Variants in DNAJC5B observed in about 807,000 individuals in gnomAD.
The protein encoded by DNAJC5B is DnaJ heat shock protein family (Hsp40) member C5 beta.
Under a neutral mutation model 24.7 loss-of-function variants are expected in DNAJC5B, and 23 were observed. The observed-to-expected ratio is 0.93, with a 90% CI of 0.67 to 1.32. The LOEUF is 1.32. DNAJC5B is among the 40% of genes most tolerant of loss of function. DNAJC5B has a pLI of 0.00. For synonymous variants in DNAJC5B, 101 were observed against 90.1 expected (o/e 1.12, Z -0.68); for missense variants, 238 against 240.8 (o/e 0.99, Z 0.08).
At chr8:66,026,408 A>C (rs1046630981) in intron 1 of DNAJC5B, among the ~76,000 whole-genome samples, 1 of 152,226 alleles carries the variant, frequency 6.6e-6, no homozygotes, top group African/African-American at 2.4e-5. Context: ...AACTTTTGAA[A>C]TGTTTTCTCT....
At chr8:66,022,737 A>G (rs573156074) in intron 1 of DNAJC5B, among the ~76,000 whole-genome samples, 1 of 152,374 alleles carries the variant, frequency 6.6e-6, no homozygotes, top group South Asian at 2.1e-4. Flanking sequence ...CAAAGCATGT[A>G]AAACTGAGAG....
intron 3 of DNAJC5B, among the ~76,000 whole-genome samples, chr8:66,069,068 T>C (rs1807288066): frequency 1.3e-5 from 2 of 150,762 alleles, no homozygotes. Flanking sequence ...TTGAGAAGAA[T>C]GATAAAAGAA....
intron 5 of DNAJC5B, among the ~76,000 whole-genome samples, chr8:66,096,885 C>T (rs1043125815): frequency 2.6e-5 from 4 of 152,054 alleles, no homozygotes; most frequent in African/African-American, 7.2e-5. Flanking sequence ...ACCTACTTTT[C>T]GTGAGAGGCA....
chr8:66,069,863 G>A (rs376344655), intron 3 of DNAJC5B, among the ~76,000 whole-genome samples: 11 of 152,308 alleles, frequency 7.2e-5, no homozygotes, highest in South Asian at 2.1e-4. Flanking sequence ...TGTCCATCAC[G>A]AACAAGTTGG....
At chr8:66,076,408 T>A (rs1403926638) in intron 3 of DNAJC5B, among the ~76,000 whole-genome samples, 1 of 152,206 alleles carries the variant, frequency 6.6e-6, no homozygotes, top group Non-Finnish European at 1.5e-5. Flanking sequence ...TCTCTCAGAC[T>A]CAACAGTCAT....
intron 1 of DNAJC5B, among the ~76,000 whole-genome samples, chr8:66,034,662 G>T (rs755492689): frequency 3.3e-5 from 5 of 151,726 alleles, no homozygotes; most frequent in Admixed American, 6.6e-5. Context: ...GTGCTGAAGG[G>T]CCCCAGGCCA....
intron 3 of DNAJC5B, among the ~76,000 whole-genome samples, chr8:66,069,820 G>A (rs1807305704): frequency 6.6e-6 from 1 of 152,080 alleles, no homozygotes; most frequent in Non-Finnish European, 1.5e-5. Context: ...ATAAAATACT[G>A]GCAAACCGAA....
Position 66,076,864 on chromosome 8 carries a change from G to T in DNAJC5B, c.324G>T (p.Trp108Cys). The change falls in exon 4 of 6, where the codon TGG becomes TGT. Residue 108 changes from tryptophan (W) to cysteine (C), a missense_variant. By Grantham distance (215) the Trp-to-Cys change is radical (BLOSUM62 -2). Transcript: ENST00000276570. The stretch of plus-strand genomic sequence containing the variant: ...ACACCTACTTCATGCTGTCGAGCTG[G>T]TGGGCAAAGGTGAAACTGAATTTCC... ...NVNTYFMLSS[W>C]WAKALFVIVG... The T allele has an allele frequency of 6.2e-7, 1 of 1,614,106 alleles. No homozygotes were observed. The highest frequency in any genetic ancestry group is 1.1e-5 in the South Asian group (1 of 91,084).
Position 66,038,038 on chromosome 8 carries a change from C to T in DNAJC5B, c.-141-5450C>T, listed in dbSNP as rs534405784. On this transcript the variant is annotated intron_variant, in intron 1 of 5. Coordinates refer to ENST00000276570, the MANE Select transcript of DNAJC5B (RefSeq NM_033105.6). ...GACCGCTGCAGGGTCTACCTGGCCA[C>T]GAGGGGGTTCCCTTTGTCATTTACA... Among the ~76,000 whole-genome samples, 137 of 152,320 alleles carry T rather than the reference C, an allele frequency of 9.0e-4. 1 individual carries two copies. Among genetic ancestry groups the T allele is most frequent in the African/African-American group, 3.2e-3 (133 of 41,570 alleles).
At chr8:66,022,311 G>C (rs972219194) in intron 1 of DNAJC5B, among the ~76,000 whole-genome samples, 2 of 152,180 alleles carry the variant, frequency 1.3e-5, no homozygotes, top group African/African-American at 2.4e-5. Flanking sequence ...TCTTCCTGGA[G>C]TCTTGGGGCC....
chr8:66,068,893 C>T (rs1807282388), intron 3 of DNAJC5B, among the ~76,000 whole-genome samples: 1 of 152,048 alleles, frequency 6.6e-6, no homozygotes, highest in African/African-American at 2.4e-5. Flanking sequence ...GCTGATTTTC[C>T]AACCAAGGTA....
chr8:66,067,456 G>A (rs1807245506), intron 3 of DNAJC5B, among the ~76,000 whole-genome samples: 2 of 152,088 alleles, frequency 1.3e-5, no homozygotes, highest in South Asian at 2.1e-4. Flanking sequence ...AATTACTTTG[G>A]TGGTCATCAA....
intron 1 of DNAJC5B, among the ~76,000 whole-genome samples, chr8:66,039,078 T>C (rs969098249): frequency 1.3e-5 from 2 of 152,210 alleles, no homozygotes; most frequent in Admixed American, 1.3e-4. Flanking sequence ...ATTACCACAA[T>C]GTTTTTCTTT....
intron 3 of DNAJC5B, among the ~76,000 whole-genome samples, chr8:66,066,537 T>G (rs1490405953): frequency 1.3e-5 from 2 of 152,212 alleles, no homozygotes; most frequent in African/African-American, 4.8e-5. Context: ...CATCATGGAA[T>G]ACTACTCAGC....
chr8:66,066,958 G>A (rs1353339336), intron 3 of DNAJC5B, among the ~76,000 whole-genome samples: 2 of 152,062 alleles, frequency 1.3e-5, no homozygotes, highest in African/African-American at 2.4e-5. Flanking sequence ...TCAGCCTGCA[G>A]TGAAGAAATT....
At chr8:66,084,951 T>G (rs1807688097) in intron 5 of DNAJC5B, among the ~76,000 whole-genome samples, 1 of 152,212 alleles carries the variant, frequency 6.6e-6, no homozygotes, top group Non-Finnish European at 1.5e-5. Context: ...ATGTTTAACA[T>G]TTAGATTTAT....
chr8:66,085,568 A>G (rs757989735), intron 5 of DNAJC5B, among the ~76,000 whole-genome samples: 6 of 151,970 alleles, frequency 3.9e-5, no homozygotes, highest in Non-Finnish European at 8.8e-5. Flanking sequence ...GCGAGACTCC[A>G]TCTCAAAAAA....
chr8:66,038,432 T>A (rs1389354707), intron 1 of DNAJC5B, among the ~76,000 whole-genome samples: 4 of 152,228 alleles, frequency 2.6e-5, no homozygotes, highest in African/African-American at 9.6e-5. Flanking sequence ...AAGATATATC[T>A]TCAGGCCTAT....
chr8:66,055,327 G>A (rs1051167817), intron 3 of DNAJC5B, among the ~76,000 whole-genome samples: 1 of 152,034 alleles, frequency 6.6e-6, no homozygotes, highest in Non-Finnish European at 1.5e-5. Flanking sequence ...TTCTTATATT[G>A]TAGGATCTGG....
Sources: allele counts gnomAD v4.1 joint callset (sites outside exome capture counted in the v4.1 genomes callset), GRCh38; gene constraint gnomAD v4.1.1; transcripts MANE v1.5; gene names NCBI Gene and HGNC (gene_info 2026-07-23, HGNC 2026-07-21).